Variants in MACROD2 observed in about 807,000 individuals in gnomAD.
MACROD2 encodes the protein ADP-ribose glycohydrolase MACROD2.
Under a neutral mutation model 70.4 loss-of-function variants are expected in MACROD2, and 36 were observed. The observed-to-expected ratio is 0.51, with a 90% confidence interval of 0.39 to 0.68. The LOEUF (loss-of-function observed/expected upper bound fraction) is 0.68. MACROD2 is among the 30% of genes least tolerant of loss of function. The probability of loss-of-function intolerance (pLI) is 0.00; values close to 1 mark genes in which losing one functional copy is unlikely to be tolerated. For missense variants in MACROD2, 496 were observed against 538.4 expected (o/e 0.92, Z 0.78); for synonymous variants, 172 against 178.8 (o/e 0.96, Z 0.30).
intron 12 of MACROD2, among the ~76,000 whole-genome samples, chr20:15,947,189 T>A (rs1381663336): frequency 6.6e-6 from 1 of 152,030 alleles, no homozygotes; most frequent in Non-Finnish European, 1.5e-5. Context: ...CCTTCCTCAA[T>A]CTCAACTGCA....
intron 6 of MACROD2, among the ~76,000 whole-genome samples, chr20:15,352,923 CTGCCCAAGGTAATTTATAGAT>C (rs1384316404): frequency 1.3e-5 from 2 of 151,838 alleles, no homozygotes; most frequent in Non-Finnish European, 2.9e-5. Flanking sequence ...AATGGCCATA[CTGCCCAAGGTAATTTATAGAT>C]TCAATGCCAT....
intron 6 of MACROD2, among the ~76,000 whole-genome samples, chr20:15,351,850 A>C (rs2078230909): frequency 1.3e-5 from 2 of 152,192 alleles, no homozygotes; most frequent in Non-Finnish European, 2.9e-5. Flanking sequence ...AATTCCACAG[A>C]CTTTTCTTGG....
intron 3 of MACROD2, among the ~76,000 whole-genome samples, chr20:14,307,661 G>T (rs1299466951): frequency 6.6e-6 from 1 of 152,176 alleles, no homozygotes; most frequent in South Asian, 2.1e-4. Context: ...GCCCTATGTT[G>T]TCAGATGTTG....
At chr20:14,534,581 A>G (rs2123215628) in intron 4 of MACROD2, among the ~76,000 whole-genome samples, 1 of 152,308 alleles carries the variant, frequency 6.6e-6, no homozygotes, top group Non-Finnish European at 1.5e-5. Context: ...AAGGGAATGG[A>G]GATTGCTTTA....
intron 6 of MACROD2, among the ~76,000 whole-genome samples, chr20:15,282,301 C>T (rs2077452848): frequency 6.6e-6 from 1 of 152,210 alleles, no homozygotes; most frequent in South Asian, 2.1e-4. Flanking sequence ...CTGCAGCCAA[C>T]TTGAATTTCT....
intron 3 of MACROD2, among the ~76,000 whole-genome samples, chr20:14,220,382 C>T (rs994633675): frequency 2.0e-5 from 3 of 152,274 alleles, no homozygotes. Flanking sequence ...TCCCCCAGTG[C>T]ACCTCCCAAC....
At chr20:14,428,033 T>C (rs1048989975) in intron 3 of MACROD2, among the ~76,000 whole-genome samples, 5 of 152,184 alleles carry the variant, frequency 3.3e-5, no homozygotes, top group Non-Finnish European at 5.9e-5. Context: ...TGGCAATTTA[T>C]TGAAAATGTT....
At chr20:15,632,277 A>G (rs1209732407) in intron 8 of MACROD2, among the ~76,000 whole-genome samples, 4 of 152,166 alleles carry the variant, frequency 2.6e-5, no homozygotes, top group African/African-American at 7.2e-5. Context: ...TGAAAAATAA[A>G]TGACTGTGTC....
At chr20:14,668,975 C>T (rs1397019614) in intron 4 of MACROD2, among the ~76,000 whole-genome samples, 1 of 152,020 alleles carries the variant, frequency 6.6e-6, no homozygotes, top group Admixed American at 6.6e-5. Context: ...AAAACTTAGT[C>T]TTTATTAAGC....
chr20:14,583,884 A>C (rs905195277), intron 4 of MACROD2, among the ~76,000 whole-genome samples: 4 of 152,134 alleles, frequency 2.6e-5, no homozygotes, highest in African/African-American at 9.7e-5. Flanking sequence ...AATACTTGCT[A>C]CTGGTTTCCT....
chr20:15,006,143 G>A (rs867503499), intron 5 of MACROD2, among the ~76,000 whole-genome samples: 1,153 of 103,434 alleles, frequency 0.011, 6 homozygotes, highest in African/African-American at 0.039. Context: ...ATATATATAT[G>A]TGTGTGTGTG....
chr20:15,943,374 C>T (rs1050996390), intron 12 of MACROD2, among the ~76,000 whole-genome samples: 3 of 152,126 alleles, frequency 2.0e-5, no homozygotes, highest in Non-Finnish European at 4.4e-5. Flanking sequence ...TGTCCTATTC[C>T]CATTCTTGGT....
At chr20:15,101,802 A>G (rs921924949) in intron 5 of MACROD2, among the ~76,000 whole-genome samples, 1 of 152,048 alleles carries the variant, frequency 6.6e-6, no homozygotes, top group African/African-American at 2.4e-5. Flanking sequence ...TAAAAGGTCT[A>G]TCCAACATTG....
At chr20:15,214,868 G>C (rs1187512713) in intron 5 of MACROD2, among the ~76,000 whole-genome samples, 1 of 152,156 alleles carries the variant, frequency 6.6e-6, no homozygotes, top group Non-Finnish European at 1.5e-5. Context: ...TACTCAGTAA[G>C]GATGCTTTGG....
chr20:14,438,910 A>G (rs1288076644), intron 3 of MACROD2, among the ~76,000 whole-genome samples: 1 of 149,658 alleles, frequency 6.7e-6, no homozygotes, highest in African/African-American at 2.4e-5. Context: ...TTTAAGTTTG[A>G]TGTAGTCCCA....
At chr20:15,180,110 A>G (rs939744284) in intron 5 of MACROD2, among the ~76,000 whole-genome samples, 1 of 152,130 alleles carries the variant, frequency 6.6e-6, no homozygotes, top group Non-Finnish European at 1.5e-5. Flanking sequence ...ATTAGGGTTC[A>G]TCCACCCTAA....
chr20:15,320,713 A>G (rs1252195231), intron 6 of MACROD2, among the ~76,000 whole-genome samples: 2 of 152,152 alleles, frequency 1.3e-5, no homozygotes, highest in Non-Finnish European at 2.9e-5. Context: ...GTAGGGAAAC[A>G]TTATCTATGG....
At chr20:14,244,026 C>T (rs1380613758) in intron 3 of MACROD2, among the ~76,000 whole-genome samples, 1 of 152,164 alleles carries the variant, frequency 6.6e-6, no homozygotes, top group Non-Finnish European at 1.5e-5. Context: ...CTTACTGGAA[C>T]ATCTAAAGAT....
At chr20:14,402,594 G>T (rs559951426) in intron 3 of MACROD2, among the ~76,000 whole-genome samples, 1 of 152,166 alleles carries the variant, frequency 6.6e-6, no homozygotes, top group South Asian at 2.1e-4. Flanking sequence ...TCCCAGAAAT[G>T]TTATGATAGT....
Sources: allele counts gnomAD v4.1 joint callset (sites outside exome capture counted in the v4.1 genomes callset), GRCh38; gene constraint gnomAD v4.1.1; transcripts MANE v1.5; gene names NCBI Gene and HGNC (gene_info 2026-07-23, HGNC 2026-07-21).